The following EIF2AK2 variants were observed in gnomAD, a reference collection of about 807,000 sequenced individuals.
The protein encoded by EIF2AK2 is eukaryotic translation initiation factor 2 alpha kinase 2.
EIF2AK2 carries 40 observed loss-of-function variants against 70.5 expected under a neutral mutation model. That is an observed-to-expected ratio of 0.57 (90% confidence interval 0.44 to 0.74). The LOEUF (loss-of-function observed/expected upper bound fraction) is 0.74, where lower values mean the gene tolerates loss of function less well. Ranked by LOEUF, EIF2AK2 falls within the 30% of genes least tolerant of loss-of-function variation. The pLI is 0.00. For missense variants in EIF2AK2, 555 were observed against 644.3 expected, an observed-to-expected ratio of 0.86 and a Z score of 1.50; for synonymous variants, 198 against 220.9, an observed-to-expected ratio of 0.90 and a Z score of 0.92.
intron 12 of EIF2AK2, among the ~76,000 whole-genome samples, chr2:37,122,109 G>C (rs751711413): frequency 2.0e-5 from 3 of 152,136 alleles, no homozygotes; most frequent in African/African-American, 7.2e-5. Context: ...CCTAAGAGAG[G>C]GACAGAAAAG....
chr2:37,120,408 G>A (rs1182735303), intron 12 of EIF2AK2, among the ~76,000 whole-genome samples: 2 of 150,634 alleles, frequency 1.3e-5, no homozygotes, highest in Non-Finnish European at 3.0e-5. Flanking sequence ...CGGGGAGGCT[G>A]AGGCAAGAGA....
At chr2:37,145,141 GTT>G (rs57402760) in intron 4 of EIF2AK2, among the ~76,000 whole-genome samples, 16 of 129,076 alleles carry the variant, frequency 1.2e-4, no homozygotes, top group Admixed American at 7.8e-4. Flanking sequence ...GGTTTTGTGG[GTT>G]TTTTTTTTTT....
In EIF2AK2 at chr2:37,105,351, G is replaced by A. The variant is rs1673929158; in HGVS notation, c.*1922C>T. The A allele has an allele frequency of 6.6e-6, 1 of 152,092 alleles. No homozygotes were observed. Among genetic ancestry groups the A allele is most frequent in the African/African-American group, 2.4e-5 (1 of 41,386 alleles). 9.4% of individuals were successfully genotyped at this position (152,092 alleles called of 1,614,324 possible). A position where few individuals can be genotyped will look rare whatever the true frequency, so the allele number is the denominator to read the frequency against. On this transcript the variant is annotated 3_prime_UTR_variant, in exon 17 of 17. Transcript: ENST00000233057. ...TACATTAATGCCGTCCCTGGGGGTG[G>A]GGTGTGCTGGGGAGGAGAAGCAAGG...
At chr2:37,147,459 C>A (rs1336306350) in intron 3 of EIF2AK2, among the ~76,000 whole-genome samples, 2 of 106,046 alleles carry the variant, frequency 1.9e-5, no homozygotes, top group Admixed American at 2.3e-4. Flanking sequence ...CTATCCCTCC[C>A]CCCTCCCCCC....
chr2:37,133,083 C>T (rs528329107), intron 10 of EIF2AK2, among the ~76,000 whole-genome samples: 2 of 152,268 alleles, frequency 1.3e-5, no homozygotes, highest in South Asian at 4.1e-4. Context: ...CTGGAAGCTA[C>T]ACATCCCCTA....
chr2:37,120,416 A>C (rs1393849332), intron 12 of EIF2AK2, among the ~76,000 whole-genome samples: 1 of 149,410 alleles, frequency 6.7e-6, no homozygotes, highest in Non-Finnish European at 1.5e-5. Context: ...CTGAGGCAAG[A>C]GAATGGCGTG....
intron 4 of EIF2AK2, among the ~76,000 whole-genome samples, chr2:37,145,160 T>G (rs1675485150): frequency 6.7e-6 from 1 of 149,592 alleles, no homozygotes; most frequent in Non-Finnish European, 1.5e-5. Flanking sequence ...TTTTTTTTTT[T>G]GAGACAGAGT....
chr2:37,116,545 G>A (rs1674348052), intron 13 of EIF2AK2, among the ~76,000 whole-genome samples: 2 of 152,226 alleles, frequency 1.3e-5, no homozygotes. Flanking sequence ...AAGGACCTAA[G>A]AGGGAAGAGA....
chr2:37,149,270 G>A (rs1675662083), intron 1 of EIF2AK2: 2 of 1,056,720 alleles, frequency 1.9e-6, no homozygotes, highest in African/African-American at 1.6e-5. Context: ...GAAATTGAAG[G>A]AGGAGAAATA....
chr2:37,113,266 T>A (rs1674220240), intron 14 of EIF2AK2, among the ~76,000 whole-genome samples: 2 of 152,102 alleles, frequency 1.3e-5, no homozygotes, highest in Admixed American at 6.5e-5. Flanking sequence ...GAGGCCAAGG[T>A]GGGTGGATTA....
At chr2:37,109,096 C>T in intron 15 of EIF2AK2, 98 bp downstream of exon 15, 1 of 1,005,868 alleles carries the variant, frequency 9.9e-7, no homozygotes. Context: ...TATGCTCAAG[C>T]CCATCCTCAC....
intron 11 of EIF2AK2, 48 bp from the exon 12 acceptor site, chr2:37,122,712 A>C (rs1674599093): frequency 6.2e-7 from 1 of 1,609,412 alleles, no homozygotes; most frequent in African/African-American, 1.3e-5. Flanking sequence ...TACATCCCTC[A>C]TAACAACCAC....
intron 6 of EIF2AK2, 44 bp downstream of exon 6, chr2:37,139,587 G>A: frequency 1.3e-6 from 2 of 1,595,902 alleles, no homozygotes; most frequent in South Asian, 2.3e-5. Context: ...CAACTTCAGA[G>A]GGAATTTTAA....
intron 11 of EIF2AK2, among the ~76,000 whole-genome samples, chr2:37,123,606 G>C (rs116243559): frequency 6.6e-6 from 1 of 152,204 alleles, no homozygotes; most frequent in South Asian, 2.1e-4. Flanking sequence ...ATTATGTTTT[G>C]CTTAGATTTG....
At chr2:37,136,403 T>A (rs1307189296) in intron 9 of EIF2AK2, among the ~76,000 whole-genome samples, 1 of 152,206 alleles carries the variant, frequency 6.6e-6, no homozygotes, top group African/African-American at 2.4e-5. Context: ...TCATCCCTCC[T>A]GACTGCCACA....
intron 5 of EIF2AK2, 102 bp from the exon 6 acceptor site, chr2:37,139,859 C>T: frequency 1.7e-6 from 2 of 1,195,448 alleles, no homozygotes; most frequent in Non-Finnish European, 2.3e-6. Flanking sequence ...CTTAAGATAA[C>T]ACCAATTTAT....
intron 1 of EIF2AK2, among the ~76,000 whole-genome samples, chr2:37,154,772 G>C (rs1481986496): frequency 6.6e-6 from 1 of 152,050 alleles, no homozygotes; most frequent in African/African-American, 2.4e-5. Flanking sequence ...ATGTTGGCCA[G>C]GCTGGTCTCA....
chr2:37,109,809 T>C (rs1674083733), intron 14 of EIF2AK2, among the ~76,000 whole-genome samples: 2 of 152,158 alleles, frequency 1.3e-5, no homozygotes, highest in Admixed American at 6.5e-5. Context: ...ATGAAGAAAT[T>C]AAATACAAAG....
chr2:37,139,595 T>C, intron 6 of EIF2AK2, 36 bp downstream of exon 6: 1 of 1,599,402 alleles, frequency 6.3e-7, no homozygotes, highest in Non-Finnish European at 8.5e-7. Context: ...GAGGGAATTT[T>C]AAAACATAAA....
Sources: gnomAD v4.1 joint callset for allele counts (sites outside exome capture counted in the v4.1 genomes callset) on GRCh38, gnomAD v4.1.1 for gene constraint, MANE v1.5 for transcripts, NCBI Gene and HGNC (gene_info 2026-07-23, HGNC 2026-07-21) for gene names.